TTC6: variants seen among roughly 807,000 people sequenced by gnomAD.
The protein encoded by TTC6 is tetratricopeptide repeat domain 6.
TTC6 carries 172 observed loss-of-function variants against 210.4 expected under a neutral mutation model. That is an observed-to-expected ratio of 0.82 (90% CI 0.72 to 0.93). TTC6 has a LOEUF of 0.93. Among genes scored for constraint, TTC6 ranks in the 40% least tolerant of loss-of-function variants. The pLI, the probability that TTC6 is intolerant of heterozygous loss-of-function variation, is 0.00. For synonymous variants in TTC6, 804 were observed against 819.6 expected (o/e 0.98, Z 0.32); for missense variants, 2,414 against 2,318.1 (o/e 1.04, Z -0.85).
At chr14:37,626,870 C>A (rs1441545305) in intron 1 of TTC6, among the ~76,000 whole-genome samples, 3 of 152,152 alleles carry the variant, frequency 2.0e-5, no homozygotes, top group Admixed American at 2.0e-4. Flanking sequence ...ACCTATGGCG[C>A]CACTCCCACC....
At chr14:37,778,195 G>A (rs1200251923) in intron 14 of TTC6, among the ~76,000 whole-genome samples, 1 of 152,176 alleles carries the variant, frequency 6.6e-6, no homozygotes, top group African/African-American at 2.4e-5. Flanking sequence ...GGTGTTCACA[G>A]TGACTGCAGT....
intron 5 of TTC6, among the ~76,000 whole-genome samples, chr14:37,708,751 G>A (rs1327223284): frequency 2.0e-5 from 3 of 151,986 alleles, no homozygotes; most frequent in Non-Finnish European, 4.4e-5. Flanking sequence ...TTGGAAGCAG[G>A]GCTTCTGCTT....
At chr14:37,841,239 GT>G (rs376824270) in intron 29 of TTC6, among the ~76,000 whole-genome samples, 5 of 152,254 alleles carry the variant, frequency 3.3e-5, no homozygotes, top group African/African-American at 7.2e-5. Flanking sequence ...CTGACACATG[GT>G]AATAACAAAA....
chr14:37,768,897 C>T (rs199527913), intron 14 of TTC6, among the ~76,000 whole-genome samples: 69,248 of 149,104 alleles, frequency 0.46, 16,214 homozygotes, highest in East Asian at 0.57. Context: ...AAAGGGAATG[C>T]TTCCAGTTTT....
At chr14:37,643,257 G>A (rs547032783) in intron 1 of TTC6, among the ~76,000 whole-genome samples, 98 of 152,284 alleles carry the variant, frequency 6.4e-4, no homozygotes, top group Admixed American at 1.3e-3. Flanking sequence ...GCAGTGAGCC[G>A]AGATTGCACC....
chr14:37,729,712 T>TC (rs975767133), intron 7 of TTC6, among the ~76,000 whole-genome samples: 1 of 152,166 alleles, frequency 6.6e-6, no homozygotes, highest in African/African-American at 2.4e-5. Context: ...CCCTGCCTAC[T>TC]CCTGCACCTT....
At chr14:37,823,835 A>C (rs770436244) in exon 27 of TTC6, 2 of 1,613,922 alleles carry the variant, frequency 1.2e-6, no homozygotes, top group East Asian at 2.2e-5. Flanking sequence ...TGGACGGGGA[A>C]ATTCTTACAT....
chr14:37,746,445 G>C (rs1312223761), intron 10 of TTC6, among the ~76,000 whole-genome samples: 1 of 152,196 alleles, frequency 6.6e-6, no homozygotes, highest in East Asian at 1.9e-4. Flanking sequence ...GAACTTGTTA[G>C]AGGTGCAAGT....
At chr14:37,616,507 T>C (rs1387848488) in intron 2 of TTC6, among the ~76,000 whole-genome samples, 1 of 152,198 alleles carries the variant, frequency 6.6e-6, no homozygotes, top group Non-Finnish European at 1.5e-5. Flanking sequence ...AGACTTTATA[T>C]GTTGCTGTGA....
At chr14:37,834,773 T>C (rs1292546976) in intron 29 of TTC6, among the ~76,000 whole-genome samples, 1 of 152,222 alleles carries the variant, frequency 6.6e-6, no homozygotes, top group African/African-American at 2.4e-5. Context: ...TACATTGATA[T>C]CTGCTCATCT....
chr14:37,695,623 G>C (rs2095813433), intron 3 of TTC6, among the ~76,000 whole-genome samples: 1 of 152,054 alleles, frequency 6.6e-6, no homozygotes, highest in African/African-American at 2.4e-5. Flanking sequence ...AAAGTGCTGG[G>C]ATTATAGGTG....
chr14:37,761,057 G>A (rs1007824937), intron 14 of TTC6, among the ~76,000 whole-genome samples: 10 of 152,096 alleles, frequency 6.6e-5, no homozygotes, highest in Non-Finnish European at 1.2e-4. Flanking sequence ...GGTGCCACTG[G>A]GGTACTAAAA....
At chr14:37,804,529 G>T in intron 20 of TTC6, 151 bp from the exon 23 acceptor site, 2 of 1,020,996 alleles carry the variant, frequency 2.0e-6, no homozygotes, top group Non-Finnish European at 1.4e-6. Context: ...GTACTGACAA[G>T]ACCTGTAACT....
At chr14:37,790,412 T>A (rs2096076763) in intron 15 of TTC6, among the ~76,000 whole-genome samples, 1 of 152,158 alleles carries the variant, frequency 6.6e-6, no homozygotes, top group Non-Finnish European at 1.5e-5. Context: ...TCAATGTACT[T>A]ACCCCCTTTG....
chr14:37,782,153 G>A (rs1181754598), intron 14 of TTC6, among the ~76,000 whole-genome samples: 2 of 151,810 alleles, frequency 1.3e-5, no homozygotes, highest in Non-Finnish European at 1.5e-5. Flanking sequence ...GTTTTTTTTA[G>A]TTCTTTGAAG....
chr14:37,771,929 G>A (rs950476959), intron 14 of TTC6, among the ~76,000 whole-genome samples: 3 of 152,102 alleles, frequency 2.0e-5, no homozygotes, highest in African/African-American at 7.2e-5. Flanking sequence ...CCCCATCTTT[G>A]TGGTTTTATC....
intron 29 of TTC6, among the ~76,000 whole-genome samples, chr14:37,829,811 C>T (rs773346688): frequency 1.3e-3 from 205 of 152,000 alleles, no homozygotes; most frequent in Admixed American, 2.5e-3. Context: ...TGTGGGTTCA[C>T]TTGGGCAACA....
At chr14:37,837,328 A>G (rs1044583278) in intron 29 of TTC6, 4 of 429,682 alleles carry the variant, frequency 9.3e-6, no homozygotes, top group African/African-American at 8.3e-5. Flanking sequence ...TTAGGAAGAA[A>G]GTCTTGGCCT....
chr14:37,777,363 A>AT (rs1186380717), intron 14 of TTC6, among the ~76,000 whole-genome samples: 1 of 150,864 alleles, frequency 6.6e-6, no homozygotes, highest in Non-Finnish European at 1.5e-5. Context: ...TGAACTCTAG[A>AT]TTTTTTTACT....
Sources: gnomAD v4.1 joint callset for allele counts (sites outside exome capture counted in the v4.1 genomes callset) on GRCh38, gnomAD v4.1.1 for gene constraint, MANE v1.5 for transcripts, NCBI Gene and HGNC (gene_info 2026-07-23, HGNC 2026-07-21) for gene names.